The following RESF1 variants were observed in gnomAD, a reference collection of about 807,000 sequenced individuals.
RESF1 encodes retroelement silencing factor 1, also known as gonad expressed transcript.
In RESF1, 65 loss-of-function variants were observed where a neutral mutation model predicts 134.7. That is an observed-to-expected ratio of 0.48 (90% CI 0.40 to 0.59). The LOEUF (loss-of-function observed/expected upper bound fraction) is 0.59, where lower values mean the gene tolerates loss of function less well. Ranked by LOEUF, RESF1 falls within the 20% of genes least tolerant of loss-of-function variation. The pLI, the probability that RESF1 is intolerant of heterozygous loss-of-function variation, is 0.00. For missense variants in RESF1, 2,274 were observed against 2,002.7 expected, an observed-to-expected ratio of 1.14 and a Z score of -2.59; for synonymous variants, 762 against 702.2, an observed-to-expected ratio of 1.09 and a Z score of -1.35.
intron 3 of RESF1, among the ~76,000 whole-genome samples, chr12:31,978,092 C>G (rs900843890): frequency 2.0e-5 from 3 of 152,164 alleles, no homozygotes; most frequent in Admixed American, 2.0e-4. Context: ...GCAAGAGCCA[C>G]TGCGCTTGAC....
chr12:31,980,476 C>T (rs1448735166), intron 3 of RESF1, among the ~76,000 whole-genome samples: 3 of 152,012 alleles, frequency 2.0e-5, no homozygotes, highest in East Asian at 3.9e-4. Flanking sequence ...TTAGACTTTG[C>T]GAATGAACAA....
At chr12:31,980,675 T>C (rs1228152858) in intron 3 of RESF1, among the ~76,000 whole-genome samples, 1 of 152,252 alleles carries the variant, frequency 6.6e-6, no homozygotes, top group East Asian at 1.9e-4. Context: ...TTGTGTGGAA[T>C]GAATTTCTGT....
intron 1 of RESF1, among the ~76,000 whole-genome samples, chr12:31,960,193 C>CG (rs1312681800): frequency 6.6e-6 from 1 of 152,140 alleles, no homozygotes; most frequent in Non-Finnish European, 1.5e-5. Flanking sequence ...CCTAAGCAAA[C>CG]GTCCTTAGGG....
chr12:31,983,052 C>CA lies in RESF1; in HGVS notation c.2098dup (p.Thr700AsnfsTer11). 2.5e-6 allele frequency: 4 copies of CA among 1,613,948 alleles called. No homozygotes were observed. The highest frequency in any genetic ancestry group is 2.5e-6 in the Non-Finnish European group (3 of 1,179,996). Reference sequence around the variant, plus strand: ...AGGAGTGTGATAAACTCAGAACAAACACAACAGCAGTTGGAATTTCAAAGC... The same window carrying CA: ...AGGAGTGTGATAAACTCAGAACAAACAACAACAGCAGTTGGAATTTCAAAGC... On this transcript the variant is annotated frameshift_variant, in exon 4 of 6. Transcript: ENST00000312561. LOFTEE classifies it high-confidence loss of function.
At chr12:31,964,629 T>C (rs888518850) in intron 2 of RESF1, among the ~76,000 whole-genome samples, 7 of 152,250 alleles carry the variant, frequency 4.6e-5, no homozygotes, top group African/African-American at 4.8e-5. Context: ...TCTACATCCA[T>C]AGACACTTAA....
intron 3 of RESF1, among the ~76,000 whole-genome samples, chr12:31,974,419 A>G (rs1179017340): frequency 6.6e-6 from 1 of 152,082 alleles, no homozygotes; most frequent in Non-Finnish European, 1.5e-5. Flanking sequence ...TATTTCTCCC[A>G]GTTCCGGCGG....
Position 31,985,968 on chromosome 12 carries a change from A to C in RESF1, c.5002+11A>C. 6.9e-7 allele frequency: 1 copy of C among 1,453,848 alleles called. No individual in the cohort carries two copies. Among genetic ancestry groups the C allele is most frequent in the Non-Finnish European group, 9.1e-7 (1 of 1,104,234 alleles). 90.1% of individuals were successfully genotyped at this position (1,453,848 alleles called of 1,614,324 possible). On this transcript the variant is annotated intron_variant, in intron 4 of 5. Coordinates refer to ENST00000312561, the MANE Select transcript of RESF1 (RefSeq NM_018169.4). ...AAGCCCCTCTGCAAGGTCCAGTATG[A>C]TTTTCTTGGTGGTGTCTACAATATT...
chr12:31,964,601 T>A (rs1395282905), intron 2 of RESF1, among the ~76,000 whole-genome samples: 1 of 152,196 alleles, frequency 6.6e-6, no homozygotes, highest in Non-Finnish European at 1.5e-5. Flanking sequence ...TATACAGCAA[T>A]GTTTGAGAGA....
intron 2 of RESF1, among the ~76,000 whole-genome samples, chr12:31,969,817 C>A (rs1939469643): frequency 6.6e-6 from 1 of 152,146 alleles, no homozygotes; most frequent in Admixed American, 6.5e-5. Flanking sequence ...TCTCGAACTT[C>A]TGAGCTCAAG....
chr12:31,977,647 T>TAAAACA (rs766700473), intron 3 of RESF1, among the ~76,000 whole-genome samples: 1 of 152,188 alleles, frequency 6.6e-6, no homozygotes, highest in Non-Finnish European at 1.5e-5. Flanking sequence ...AACTTTGTCA[T>TAAAACA]AAAACAAGTG....
chr12:31,962,091 T>C (rs1157466492), intron 2 of RESF1, among the ~76,000 whole-genome samples: 2 of 152,022 alleles, frequency 1.3e-5, no homozygotes, highest in African/African-American at 2.4e-5. Flanking sequence ...CAAAAATTAG[T>C]CGGGCGTGGT....
chr12:31,985,748 C>A lies in RESF1; in HGVS notation c.4793C>A (p.Thr1598Asn). 1 of 1,579,916 alleles carries A rather than the reference C, an allele frequency of 6.3e-7. No homozygotes were observed. Among genetic ancestry groups the A allele is most frequent in the Non-Finnish European group, 8.6e-7 (1 of 1,168,676 alleles). ...KCTERESISL[T>N]KLESSPRKLH... ...ACTGAACGTGAAAGCATTTCTCTCA[C>A]CAAATTAGAAAGTTCACCCAGGAAG... is the stretch of plus-strand genomic sequence containing the variant. Residue 1598 changes from threonine to asparagine, a missense_variant, in exon 4 of 6, where the codon ACC (threonine) becomes AAC (asparagine). Physicochemically the swap from Thr to Asn is moderately conservative, Grantham distance 65. Coordinates refer to ENST00000312561, the MANE Select transcript of RESF1 (RefSeq NM_018169.4).
intron 2 of RESF1, among the ~76,000 whole-genome samples, chr12:31,968,870 C>T (rs1483443818): frequency 2.0e-5 from 3 of 152,174 alleles, no homozygotes; most frequent in South Asian, 2.1e-4. Flanking sequence ...TTATGCCTGT[C>T]GTATTGGCTG....
rs200614539 is a variant in RESF1 at position 31,983,602 on chromosome 12, A to G, written c.2647A>G (p.Thr883Ala). ...QQISQESRNS[T>A]VVSSDTLQID... ...AATCTCACAGGAGTCAAGGAATAGT[A>G]CTGTTGTGAGTAGTGATACATTACA... The change falls in exon 4 of 6, where the codon ACT becomes GCT. Residue 883 changes from threonine to alanine, a missense_variant. By Grantham distance (58) the Thr-to-Ala change is moderately conservative. Transcript: ENST00000312561. 57 of 1,614,108 alleles carry G rather than the reference A, an allele frequency of 3.5e-5. No individual in the cohort carries two copies. The Middle Eastern group carries it at 1.2e-3, about 33-fold the overall frequency.
In RESF1 at chr12:31,982,790, A is replaced by G. The variant is rs1408774456; in HGVS notation, c.1835A>G (p.Asp612Gly). Residue 612 changes from aspartate (D) to glycine (G), a missense_variant, in exon 4 of 6, where the codon GAC becomes GGC. By Grantham distance (94) the Asp-to-Gly change is moderately conservative. Coordinates refer to ENST00000312561, the MANE Select transcript of RESF1 (RefSeq NM_018169.4). Reference sequence around the variant, plus strand: ...CAAACTATTCAGGATTCTAAACCAGACAGTTGTGAAATGAATCCAAATACC... The same window carrying G: ...CAAACTATTCAGGATTCTAAACCAGGCAGTTGTGAAATGAATCCAAATACC... ...ANQTIQDSKP[D>G]SCEMNPNTQM... 3 of 1,614,168 alleles carry G rather than the reference A, an allele frequency of 1.9e-6. No homozygotes were observed. In the South Asian group the frequency reaches 3.3e-5, roughly 18 times the overall value.
intron 3 of RESF1, among the ~76,000 whole-genome samples, chr12:31,978,902 T>C (rs1939702197): frequency 6.7e-6 from 1 of 150,320 alleles, no homozygotes; most frequent in Non-Finnish European, 1.5e-5. Flanking sequence ...TTATCTTAGA[T>C]TTTTGAAATG....
In RESF1 at chr12:31,984,022, C is replaced by G; in HGVS notation, c.3067C>G (p.Gln1023Glu). The G allele has an allele frequency of 1.2e-6, 2 of 1,614,042 alleles. No individual in the cohort carries two copies. Among genetic ancestry groups the G allele is most frequent in the Non-Finnish European group, 1.7e-6 (2 of 1,179,970 alleles). ...SAAIQEDIYPQEIDASSNYTP... is the reference protein window; with the variant it reads ...SAAIQEDIYPEEIDASSNYTP... ...TGCTATTCAGGAGGATATTTACCCT[C>G]AGGAAATAGATGCATCCAGCAACTA... Residue 1023 changes from glutamine (Q) to glutamate (E), a missense_variant, in exon 4 of 6, where the codon CAG becomes GAG. Physicochemically the swap from Gln to Glu is conservative, Grantham distance 29 (BLOSUM62 2). Coordinates refer to ENST00000312561, the MANE Select transcript of RESF1 (RefSeq NM_018169.4).
At chr12:31,979,035 C>T (rs927590399) in intron 3 of RESF1, among the ~76,000 whole-genome samples, 1 of 151,726 alleles carries the variant, frequency 6.6e-6, no homozygotes, top group Admixed American at 6.6e-5. Flanking sequence ...ATTCTCCTGC[C>T]TCAGCCTTCT....
Position 31,985,600 on chromosome 12 carries a change from T to G in RESF1, c.4645T>G (p.Trp1549Gly). 6.2e-7 allele frequency: 1 copy of G among 1,602,528 alleles called. No homozygotes were observed. Among genetic ancestry groups the G allele is most frequent in the Non-Finnish European group, 8.5e-7 (1 of 1,177,218 alleles). The change falls in exon 4 of 6, where the codon TGG becomes GGG. Residue 1549 changes from tryptophan (W) to glycine (G), a missense_variant. Transcript: ENST00000312561. Reference sequence around the variant, plus strand: ...TGGTGGGAAGCAGCCTGATAAAATATGGATTGATAAGACTAAATTAGACAA... The same window carrying G: ...TGGTGGGAAGCAGCCTGATAAAATAGGGATTGATAAGACTAAATTAGACAA... ...KVGGKQPDKI[W>G]IDKTKLDKLT...
Sources: gnomAD v4.1 joint callset for allele counts (sites outside exome capture counted in the v4.1 genomes callset) on GRCh38, gnomAD v4.1.1 for gene constraint, MANE v1.5 for transcripts, NCBI Gene and HGNC (gene_info 2026-07-23, HGNC 2026-07-21) for gene names.